ZNF500: variants seen among roughly 807,000 people sequenced by gnomAD.
ZNF500 encodes zinc finger protein 500.
ZNF500 carries 31 observed loss-of-function variants against 30.1 expected under a neutral mutation model. The observed-to-expected ratio is 1.03, with a 90% confidence interval of 0.77 to 1.39. The LOEUF (loss-of-function observed/expected upper bound fraction) is 1.39, where lower values mean the gene tolerates loss of function less well. Ranked by LOEUF, ZNF500 falls within the 40% of genes most tolerant of loss-of-function variation. The probability of loss-of-function intolerance (pLI) is 0.00; values close to 1 mark genes in which losing one functional copy is unlikely to be tolerated. For synonymous variants in ZNF500, 392 were observed against 282.0 expected (o/e 1.39, Z -3.91); for missense variants, 817 against 657.8 (o/e 1.24, Z -2.65).
intron 5 of ZNF500, chr16:4,758,218 G>T (rs1010896511): frequency 6.6e-6 from 1 of 151,564 alleles, no homozygotes; most frequent in Admixed American, 6.6e-5. Flanking sequence ...TTTTAAGCAA[G>T]ATCAAATAGA....
intron 2 of ZNF500, among the ~76,000 whole-genome samples, chr16:4,765,349 A>G (rs1382253626): frequency 6.6e-6 from 1 of 152,152 alleles, no homozygotes; most frequent in African/African-American, 2.4e-5. Flanking sequence ...AACCATCTGC[A>G]CTAGCTAATA....
In ZNF500 at chr16:4,765,895, C is replaced by T. The variant is rs138137402; in HGVS notation, c.84G>A (p.Glu28=). The T allele has an allele frequency of 1.1e-5, 17 of 1,613,256 alleles. No homozygotes were observed. Among genetic ancestry groups the T allele is most frequent in the Admixed American group, 1.7e-5 (1 of 59,894 alleles). The change falls in exon 2 of 6, where the codon GAG becomes GAA. Residue 28 remains glutamate (E), a synonymous_variant. Transcript: ENST00000219478. ...GCTCCTCTTCCAAGCAGAAGTCCTC[C>T]TCCACCTTCACAATCAGGATCTCTT... ...EQEEILIVKV[E]EDFCLEEEPS... is the part of the protein sequence containing the mutation.
At chr16:4,757,259 T>C (rs749772683) in intron 5 of ZNF500, among the ~76,000 whole-genome samples, 3 of 152,160 alleles carry the variant, frequency 2.0e-5, no homozygotes, top group Non-Finnish European at 4.4e-5. Context: ...CCCGAACGGG[T>C]TGCCCGTGAA....
chr16:4,757,600 CGTTTTT>C (rs574283201), intron 5 of ZNF500, among the ~76,000 whole-genome samples: 11 of 150,450 alleles, frequency 7.3e-5, no homozygotes, highest in Admixed American at 1.3e-4. Flanking sequence ...ATGCCCGGCC[CGTTTTT>C]GTTTTTGTTT....
downstream of ZNF500, chr16:4,746,637 C>T: frequency 1.5e-6 from 2 of 1,301,368 alleles, no homozygotes; most frequent in Non-Finnish European, 2.1e-6. Context: ...GATCAATTCT[C>T]AATTGAAAAG....
intron 5 of ZNF500, among the ~76,000 whole-genome samples, chr16:4,756,071 T>C (rs2082131534): frequency 6.6e-6 from 1 of 152,094 alleles, no homozygotes; most frequent in Admixed American, 6.6e-5. Context: ...AAACTGCTTG[T>C]TGGGTACGAG....
At chr16:4,746,766 A>G, downstream of ZNF500, 1 of 769,386 alleles carries the variant, frequency 1.3e-6, no homozygotes, top group Non-Finnish European at 2.0e-6. Flanking sequence ...GGCATCACCC[A>G]CACCTGTCCT....
At chr16:4,761,500 C>T (rs1009820473) in intron 4 of ZNF500, among the ~76,000 whole-genome samples, 11 of 147,130 alleles carry the variant, frequency 7.5e-5, no homozygotes, top group African/African-American at 2.5e-4. Flanking sequence ...CACACACACA[C>T]ACACACACAC....
rs2082082411 is a variant in ZNF500 at position 4,751,925 on chromosome 16, G to GA, written c.*450_*451insT. On this transcript the variant is annotated 3_prime_UTR_variant, in exon 6 of 6. Coordinates refer to ENST00000219478, the MANE Select transcript of ZNF500 (RefSeq NM_021646.4). ...CCCGTCTCAAAAAAAAAAGGGGGGG[G>GA]GAGCAGGTGGGGGGTACACACAGAG... 8.8e-6 allele frequency: 3 copies of GA among 340,356 alleles called. No individual in the cohort carries two copies. The South Asian group carries it at 1.3e-4, about 14-fold the overall frequency. The allele number at this position is 340,356 out of a possible 1,614,324, so 21.1% of individuals were successfully genotyped here.
intron 2 of ZNF500, chr16:4,763,893 G>C (rs1279098623): frequency 2.0e-6 from 2 of 985,442 alleles, no homozygotes; most frequent in Non-Finnish European, 2.4e-6. Flanking sequence ...GGCCAGCAGT[G>C]TGCAGCCAGC....
rs146277640 is a variant in ZNF500 at position 4,762,604 on chromosome 16, T to A, written c.567A>T (p.Pro189=). Residue 189 remains proline, a synonymous_variant, in exon 3 of 6, where the codon CCA becomes CCT. Transcript: ENST00000219478. ...QQPPAQLSHR[P]QRGPLLWPER... ...CTGGCCACAACAGCGGGCCCCTCTGTGGCCTGTGGCTCAGCTGGGCTGGGG... is the reference window on the plus strand; with the variant it reads ...CTGGCCACAACAGCGGGCCCCTCTGAGGCCTGTGGCTCAGCTGGGCTGGGG... 2.6e-4 allele frequency: 427 copies of A among 1,613,922 alleles called. No individual in the cohort carries two copies. Among genetic ancestry groups the A allele is most frequent in the Non-Finnish European group, 3.4e-4 (396 of 1,179,892 alleles).
chr16:4,760,577 G>C lies in ZNF500; in HGVS notation c.675C>G (p.Asn225Lys). The change falls in exon 5 of 6, where the codon AAC becomes AAG. Residue 225 changes from asparagine to lysine, a missense_variant. Coordinates refer to ENST00000219478, the MANE Select transcript of ZNF500 (RefSeq NM_021646.4). The stretch of plus-strand genomic sequence containing the variant: ...AAAGGTATACAGCCACGTCCTCCAA[G>C]TTCACGGGCACCTGCCAGAACGCAC... ...FLSAWSQVPVNLEDVAVYLSG... is the reference protein window; with the variant it reads ...FLSAWSQVPVKLEDVAVYLSG... 2 of 1,613,300 alleles carry C rather than the reference G, an allele frequency of 1.2e-6. No individual in the cohort carries two copies. The highest frequency in any genetic ancestry group is 1.7e-5 in the Admixed American group (1 of 59,906).
intron 3 of ZNF500, 87 bp from the exon 4 acceptor site, chr16:4,762,422 G>T: frequency 6.6e-7 from 1 of 1,524,010 alleles, no homozygotes; most frequent in South Asian, 1.3e-5. Flanking sequence ...CCAACAGCCC[G>T]GCGGCTGCCC....
chr16:4,759,141 C>T (rs1031174405), intron 5 of ZNF500, among the ~76,000 whole-genome samples: 5 of 150,290 alleles, frequency 3.3e-5, no homozygotes, highest in African/African-American at 7.4e-5. Flanking sequence ...ACCTGGAAGG[C>T]GGAGGTTGCA....
chr16:4,754,239 T>C (rs2082113658), intron 5 of ZNF500, among the ~76,000 whole-genome samples: 1 of 152,118 alleles, frequency 6.6e-6, no homozygotes, highest in Admixed American at 6.6e-5. Flanking sequence ...ATGTCCACTT[T>C]AAGACACTCC....
rs749403064 is a variant in ZNF500, at chr16:4,765,646, G to C, written c.333C>G (p.Arg111=). Residue 111 remains arginine (R), a synonymous_variant, in exon 2 of 6, where the codon CGC becomes CGG. Transcript: ENST00000219478. ...VLPGEIQARV[R]EQQPESGEEA... ...CCTCACCGCTCTCCGGCTGCTGCTC[G>C]CGTACCCGAGCCTGGATCTCCCCCG... is the stretch of plus-strand genomic sequence containing the variant. The C allele has an allele frequency of 8.7e-6, 14 of 1,613,410 alleles. No individual in the cohort carries two copies. Among genetic ancestry groups the C allele is most frequent in the Non-Finnish European group, 1.2e-5 (14 of 1,179,952 alleles).
In ZNF500 at chr16:4,752,817, G is replaced by A; in HGVS notation, c.1002C>T (p.Phe334=). 1 of 1,614,260 alleles carries A rather than the reference G, an allele frequency of 6.2e-7. No individual in the cohort carries two copies. Among genetic ancestry groups the A allele is most frequent in the South Asian group, 1.1e-5 (1 of 91,092 alleles). ...PYTCPECGKG[F]SKTSHLTKHQ... ...GCTTGGTCAAGTGGGACGTCTTGCT[G>A]AAGCCTTTGCCACATTCGGGGCAGG... is the stretch of plus-strand genomic sequence containing the variant. The change falls in exon 6 of 6, where the codon TTC becomes TTT. Residue 334 remains phenylalanine (F), a synonymous_variant. Coordinates refer to ENST00000219478, the MANE Select transcript of ZNF500 (RefSeq NM_021646.4).
intron 4 of ZNF500, among the ~76,000 whole-genome samples, 175 bp downstream of exon 4, chr16:4,762,096 G>C (rs1391866417): frequency 1.3e-5 from 2 of 152,150 alleles, no homozygotes; most frequent in Admixed American, 6.5e-5. Context: ...GACTTCCCAG[G>C]AGGCCAGGGG....
At chr16:4,763,538 G>A in intron 2 of ZNF500, 1 of 985,282 alleles carries the variant, frequency 1.0e-6, no homozygotes, top group Non-Finnish European at 1.2e-6. Flanking sequence ...TTGGACAAGA[G>A]ACATCCCTAG....
Sources: gnomAD v4.1 joint callset for allele counts (sites outside exome capture counted in the v4.1 genomes callset) on GRCh38, gnomAD v4.1.1 for gene constraint, MANE v1.5 for transcripts, NCBI Gene and HGNC (gene_info 2026-07-23, HGNC 2026-07-21) for gene names.